KSR1: variants seen among roughly 807,000 people sequenced by gnomAD.
KSR1 encodes kinase suppressor of ras.
In KSR1, 35 loss-of-function variants were observed where a neutral mutation model predicts 92.9. The ratio of observed to expected loss-of-function variants is 0.38; its 90% CI spans 0.29 to 0.50. The LOEUF is 0.50. Among genes scored for constraint, KSR1 ranks in the 20% least tolerant of loss-of-function variants. The pLI is 0.94. For missense variants in KSR1, 972 were observed against 1,158.5 expected (o/e 0.84, Z 2.34); for synonymous variants, 467 against 472.6 (o/e 0.99, Z 0.15).
intron 1 of KSR1, among the ~76,000 whole-genome samples, chr17:27,500,681 G>A (rs1404546937): frequency 6.6e-6 from 1 of 152,246 alleles, no homozygotes; most frequent in African/African-American, 2.4e-5. Flanking sequence ...AAATTGAGGA[G>A]TACACATTGG....
intron 1 of KSR1, among the ~76,000 whole-genome samples, chr17:27,534,815 A>G (rs1052390189): frequency 6.6e-6 from 1 of 152,088 alleles, no homozygotes; most frequent in East Asian, 1.9e-4. Context: ...TCCCTCCCAG[A>G]GCTGATGTCA....
At chr17:27,608,188 C>T (rs1258849266) in intron 15 of KSR1, among the ~76,000 whole-genome samples, 178 bp downstream of exon 15, 2 of 152,178 alleles carry the variant, frequency 1.3e-5, no homozygotes, top group Non-Finnish European at 1.5e-5. Context: ...CTCATTCATT[C>T]AGAGCTGGGA....
intron 1 of KSR1, among the ~76,000 whole-genome samples, chr17:27,544,001 C>A (rs773853286): frequency 1.3e-5 from 2 of 152,192 alleles, no homozygotes; most frequent in Non-Finnish European, 2.9e-5. Context: ...GAGAACCTGT[C>A]GGCTTCGCCT....
At chr17:27,595,417 G>T (rs1012091589) in intron 9 of KSR1, among the ~76,000 whole-genome samples, 5 of 152,244 alleles carry the variant, frequency 3.3e-5, no homozygotes, top group Non-Finnish European at 7.3e-5. Context: ...ACTGATCAGC[G>T]CAGTAACGCT....
chr17:27,573,737 C>T (rs2072397561), intron 2 of KSR1, among the ~76,000 whole-genome samples: 1 of 152,222 alleles, frequency 6.6e-6, no homozygotes, highest in Non-Finnish European at 1.5e-5. Context: ...GAATCGTGCG[C>T]ACGTGGGTTT....
intron 9 of KSR1, 46 bp downstream of exon 9, chr17:27,592,672 T>G (rs749552595): frequency 1.3e-6 from 2 of 1,514,464 alleles, no homozygotes; most frequent in South Asian, 1.2e-5. Context: ...CCACTGGCCT[T>G]CCTTCCTATA....
intron 3 of KSR1, chr17:27,579,420 G>C (rs576993094): frequency 1.3e-5 from 2 of 152,388 alleles, no homozygotes; most frequent in East Asian, 3.9e-4. Flanking sequence ...TAAAATGGCA[G>C]TGATAACGAC....
chr17:27,466,137 A>G lies in KSR1; in HGVS notation c.231+9263A>G, dbSNP rs1168519738. Among the ~76,000 whole-genome samples, 11 of 152,232 alleles carry G rather than the reference A, an allele frequency of 7.2e-5. 1 individual carries two copies. The highest frequency in any genetic ancestry group is 7.2e-4 in the Admixed American group (11 of 15,280). ...ATTTGTCCAGGGGATCTTTTCTTCC[A>G]CTGAACGTAGTTGGGGAGACATGGC... On this transcript the variant is annotated intron_variant, in intron 1 of 20. Transcript: ENST00000644974.
At chr17:27,617,037 T>C (rs2074081252) in intron 18 of KSR1, among the ~76,000 whole-genome samples, 1 of 152,220 alleles carries the variant, frequency 6.6e-6, no homozygotes, top group South Asian at 2.1e-4. Context: ...TCATCATGGT[T>C]ACTCTTATTT....
chr17:27,483,626 C>T (rs1220725142), intron 1 of KSR1: 3 of 151,474 alleles, frequency 2.0e-5, no homozygotes, highest in Non-Finnish European at 4.4e-5. Context: ...CATGCTTTTC[C>T]TCTGTGACTT....
chr17:27,590,625 G>A (rs1403706073), intron 6 of KSR1, among the ~76,000 whole-genome samples, 186 bp from the exon 7 acceptor site: 1 of 152,222 alleles, frequency 6.6e-6, no homozygotes, highest in Non-Finnish European at 1.5e-5. Context: ...TTTGCATCTG[G>A]GAAATTTAAA....
At chr17:27,532,131 A>G (rs1211069114) in intron 1 of KSR1, among the ~76,000 whole-genome samples, 4 of 152,222 alleles carry the variant, frequency 2.6e-5, no homozygotes, top group Non-Finnish European at 5.9e-5. Context: ...TTCTTGTCTT[A>G]GAACATCCAA....
chr17:27,610,152 G>A lies in KSR1; in HGVS notation c.2311G>A (p.Glu771Lys), dbSNP rs1261408043. The A allele has an allele frequency of 1.2e-6, 2 of 1,613,944 alleles. No homozygotes were observed. Among genetic ancestry groups the A allele is most frequent in the Non-Finnish European group, 1.7e-6 (2 of 1,179,890 alleles). Residue 771 changes from glutamate to lysine, a missense_variant, in exon 17 of 21, where the codon GAG becomes AAG. This residue lies in a region of KSR1 where 260 missense variants were observed against 375.2 expected (regional missense o/e 0.69). Transcript: ENST00000644974. ...IVREMTPGKD[E>K]DQLPFSKAAD... ...ACGCGAGATGACCCCCGGGAAGGAC[G>A]AGGATCAGCTGCCATTCTCCAAAGC...
intron 1 of KSR1, among the ~76,000 whole-genome samples, chr17:27,458,119 G>C (rs1196072420): frequency 1.3e-5 from 2 of 152,022 alleles, no homozygotes; most frequent in Admixed American, 1.3e-4. Context: ...GTCAGTGCTG[G>C]GTATTATTAT....
intron 1 of KSR1, among the ~76,000 whole-genome samples, chr17:27,533,405 G>T (rs1358920648): frequency 1.4e-5 from 2 of 144,032 alleles, no homozygotes; most frequent in Non-Finnish European, 3.0e-5. Flanking sequence ...TTTTTTTTAA[G>T]ATGGAGTATC....
chr17:27,605,882 G>A lies in KSR1; in HGVS notation c.1994+69G>A, dbSNP rs890269748. The A allele has an allele frequency of 4.2e-5, 67 of 1,584,780 alleles. No individual in the cohort carries two copies. The Middle Eastern group carries it at 1.0e-3, about 24-fold the overall frequency. On this transcript the variant is annotated intron_variant, in intron 14 of 20. Transcript: ENST00000644974. Reference sequence around the variant, plus strand: ...TCCCCCTTCCCAGGGAGCCCTGTTTGTGTGGATGCCCTAGAGGGTGTGGAA... The same window carrying A: ...TCCCCCTTCCCAGGGAGCCCTGTTTATGTGGATGCCCTAGAGGGTGTGGAA...
intron 1 of KSR1, among the ~76,000 whole-genome samples, chr17:27,538,205 TG>T (rs1387387071): frequency 6.6e-6 from 1 of 152,224 alleles, no homozygotes; most frequent in Non-Finnish European, 1.5e-5. Context: ...GAACTACTTT[TG>T]GTTGCAAGTA....
chr17:27,473,955 A>G (rs1177470599), intron 1 of KSR1, among the ~76,000 whole-genome samples: 1 of 152,206 alleles, frequency 6.6e-6, no homozygotes, highest in African/African-American at 2.4e-5. Flanking sequence ...TTAAAAAAAG[A>G]AAAAGAGAAA....
chr17:27,490,154 T>C (rs1052718237), intron 1 of KSR1, among the ~76,000 whole-genome samples: 4 of 152,226 alleles, frequency 2.6e-5, no homozygotes, highest in African/African-American at 9.6e-5. Context: ...AAATAACTTC[T>C]AAGTCTCCGT....
Sources: gnomAD v4.1 joint callset for allele counts (sites outside exome capture counted in the v4.1 genomes callset) on GRCh38, gnomAD v4.1.1 for gene constraint, gnomAD v4.1.1 regional missense constraint, MANE v1.5 for transcripts, NCBI Gene and HGNC (gene_info 2026-07-23, HGNC 2026-07-21) for gene names.